The following CADPS2 variants were observed in gnomAD, a reference collection of about 807,000 sequenced individuals.
CADPS2 encodes calcium dependent secretion activator 2, also known as calcium-dependent secretion activator 2.
A neutral mutation model predicts 172.5 loss-of-function variants in CADPS2; 93 were observed. That is an observed-to-expected ratio of 0.54 (90% CI 0.46 to 0.64). The LOEUF is 0.64. Among genes scored for constraint, CADPS2 ranks in the 30% least tolerant of loss-of-function variants. The probability of loss-of-function intolerance (pLI) is 0.00; values close to 1 mark genes in which losing one functional copy is unlikely to be tolerated. For missense variants in CADPS2, 1,420 were observed against 1,565.9 expected (o/e 0.91, Z 1.57); for synonymous variants, 546 against 555.2 (o/e 0.98, Z 0.23).
intron 2 of CADPS2, among the ~76,000 whole-genome samples, chr7:122,715,726 A>G (rs1432817262): frequency 1.3e-5 from 2 of 151,970 alleles, no homozygotes; most frequent in African/African-American, 4.8e-5. Context: ...AAAAAAGCCA[A>G]TTGTACAAGT....
At chr7:122,770,800 TCAGCAGGTG>T (rs1360452321) in intron 1 of CADPS2, among the ~76,000 whole-genome samples, 4 of 152,122 alleles carry the variant, frequency 2.6e-5, no homozygotes, top group Non-Finnish European at 5.9e-5. Context: ...GGCAGAAGCA[TCAGCAGGTG>T]CAGCAGGAGC....
At chr7:122,768,647 T>A (rs1254071332) in intron 1 of CADPS2, among the ~76,000 whole-genome samples, 3 of 152,202 alleles carry the variant, frequency 2.0e-5, no homozygotes, top group African/African-American at 7.2e-5. Context: ...AAATTCATGA[T>A]ATTTTTAAAA....
intron 15 of CADPS2, among the ~76,000 whole-genome samples, chr7:122,445,336 T>C (rs1001657623): frequency 6.6e-6 from 1 of 152,106 alleles, no homozygotes; most frequent in Non-Finnish European, 1.5e-5. Context: ...ATGAGTACAG[T>C]ATCTCTCCTT....
At position 122,407,479 on chromosome 7, in the gene CADPS2, C is replaced by T. The variant is rs998551782; in HGVS notation, c.2746+61G>A. The T allele has an allele frequency of 7.9e-6, 12 of 1,527,342 alleles. No homozygotes were observed. The Admixed American group carries it at 9.6e-5, about 12-fold the overall frequency. The allele number at this position is 1,527,342 out of a possible 1,614,324, so 94.6% of individuals were successfully genotyped here. A position where few individuals can be genotyped will look rare whatever the true frequency, so the allele number is the denominator to read the frequency against. On this transcript the variant is annotated intron_variant, in intron 20 of 29. Coordinates refer to ENST00000449022, the MANE Select transcript of CADPS2 (RefSeq NM_017954.11). ...TGTGAGGGCACAGTAAAAATACATTCACATTCAACATTCTCCCACCCCTCC... is the reference window on the plus strand; with the variant it reads ...TGTGAGGGCACAGTAAAAATACATTTACATTCAACATTCTCCCACCCCTCC...
At chr7:122,539,773 C>T (rs372442559) in intron 8 of CADPS2, among the ~76,000 whole-genome samples, 3 of 151,946 alleles carry the variant, frequency 2.0e-5, no homozygotes, top group African/African-American at 7.2e-5. Context: ...CTCTGTCTCT[C>T]TCTTTCTGTT....
rs142194158 is a variant in CADPS2, at chr7:122,728,279, A to G, written c.453+8676T>C. On this transcript the variant is annotated intron_variant, in intron 2 of 29. Transcript: ENST00000449022. ...GGATAAAAAAGTAAGGTAATTACAT[A>G]AAATTTTAAAAGCCTGAAAAGGCTC... 8.5e-5 allele frequency among the ~76,000 whole-genome samples: 13 copies of G among 152,072 alleles called. 1 individual carries two copies. The highest frequency in any genetic ancestry group is 2.6e-4 in the African/African-American group (11 of 41,548).
intron 11 of CADPS2, among the ~76,000 whole-genome samples, chr7:122,483,778 A>C (rs548815042): frequency 1.3e-5 from 2 of 152,284 alleles, no homozygotes; most frequent in African/African-American, 4.8e-5. Flanking sequence ...ATATATAATA[A>C]ATTTAAAGGG....
intron 6 of CADPS2, among the ~76,000 whole-genome samples, chr7:122,607,268 C>G (rs2133669139): frequency 6.6e-6 from 1 of 152,228 alleles, no homozygotes; most frequent in East Asian, 1.9e-4. Flanking sequence ...AGTACCTGAA[C>G]ATGTTATTTA....
chr7:122,877,061 TA>T (rs763681470), intron 1 of CADPS2, among the ~76,000 whole-genome samples: 8 of 151,832 alleles, frequency 5.3e-5, no homozygotes, highest in South Asian at 2.1e-4. Flanking sequence ...AAAGGTGTAT[TA>T]AAAAAAACAG....
intron 1 of CADPS2, among the ~76,000 whole-genome samples, chr7:122,776,634 C>T (rs1472510509): frequency 6.6e-6 from 1 of 151,838 alleles, no homozygotes; most frequent in Non-Finnish European, 1.5e-5. Context: ...TTGGAACTTC[C>T]TAGAGACTTA....
chr7:122,446,443 T>C (rs1245250512), intron 15 of CADPS2, among the ~76,000 whole-genome samples: 1 of 152,122 alleles, frequency 6.6e-6, no homozygotes, highest in Non-Finnish European at 1.5e-5. Flanking sequence ...GTTGTGTTAA[T>C]TTTTTTCCCA....
Position 122,490,198 on chromosome 7 carries a change from T to G in CADPS2, c.1735A>C (p.Ile579Leu). 1 of 1,613,432 alleles carries G rather than the reference T, an allele frequency of 6.2e-7. No individual in the cohort carries two copies. Residue 579 changes from isoleucine to leucine, a missense_variant, in exon 11 of 30, where the codon ATA becomes CTA. Transcript: ENST00000449022. ...IFASDDEQDR[I>L]LWVQAMYRAT... is the part of the protein sequence containing the mutation. ...CTATACATGGCTTGAACCCATAATA[T>G]TCTGTCCTGTTCATCATCACTGGCA...
chr7:122,478,379 TTAACC>T (rs2056941390), intron 12 of CADPS2, among the ~76,000 whole-genome samples: 1 of 152,212 alleles, frequency 6.6e-6, no homozygotes, highest in Admixed American at 6.5e-5. Context: ...ATTGTGATGA[TTAACC>T]TATGGACTAA....
intron 1 of CADPS2, among the ~76,000 whole-genome samples, chr7:122,872,047 A>G (rs1333137313): frequency 8.6e-5 from 13 of 152,042 alleles, no homozygotes; most frequent in Admixed American, 7.9e-4. Flanking sequence ...GCTCCAAACA[A>G]CTGACTTGTA....
At chr7:122,662,522 T>C (rs2080709831) in intron 3 of CADPS2, among the ~76,000 whole-genome samples, 1 of 151,922 alleles carries the variant, frequency 6.6e-6, no homozygotes, top group South Asian at 2.1e-4. Context: ...ACTACAGGCA[T>C]GCACCACCAC....
intron 1 of CADPS2, among the ~76,000 whole-genome samples, chr7:122,875,309 AG>A (rs1468712210): frequency 6.6e-6 from 1 of 152,220 alleles, no homozygotes; most frequent in Non-Finnish European, 1.5e-5. Flanking sequence ...CCATATACAC[AG>A]TAAGTGGATC....
At chr7:122,454,942 T>C (rs1237624057) in intron 14 of CADPS2, among the ~76,000 whole-genome samples, 1 of 152,098 alleles carries the variant, frequency 6.6e-6, no homozygotes, top group Non-Finnish European at 1.5e-5. Context: ...CCTCCAGCGC[T>C]TTCTTTGTCA....
chr7:122,571,815 A>G (rs967081233), intron 7 of CADPS2, among the ~76,000 whole-genome samples: 1 of 152,140 alleles, frequency 6.6e-6, no homozygotes, highest in African/African-American at 2.4e-5. Flanking sequence ...ACGGAATTAA[A>G]ATTTTTTCTC....
chr7:122,847,830 A>T (rs1812431401), intron 1 of CADPS2, among the ~76,000 whole-genome samples: 1 of 152,242 alleles, frequency 6.6e-6, no homozygotes, highest in Non-Finnish European at 1.5e-5. Context: ...GGAACAAAAA[A>T]TACAATAGGA....
Sources: allele counts gnomAD v4.1 joint callset (sites outside exome capture counted in the v4.1 genomes callset), GRCh38; gene constraint gnomAD v4.1.1; transcripts MANE v1.5; gene names NCBI Gene and HGNC (gene_info 2026-07-23, HGNC 2026-07-21).